The following RASSF4 variants were observed in gnomAD, a reference collection of about 807,000 sequenced individuals.
RASSF4 encodes Ras association domain family member 4, also known as ras association domain-containing protein 4.
Under a neutral mutation model 41.1 loss-of-function variants are expected in RASSF4, and 38 were observed. That is an observed-to-expected ratio of 0.92 (90% CI 0.71 to 1.21). The LOEUF (loss-of-function observed/expected upper bound fraction) is 1.21, where lower values mean the gene tolerates loss of function less well. Ranked by LOEUF, RASSF4 falls within the 50% of genes most tolerant of loss-of-function variation. The pLI is 0.00. For missense variants in RASSF4, 414 were observed against 419.4 expected, an observed-to-expected ratio of 0.99 and a Z score of 0.11; for synonymous variants, 179 against 163.4, an observed-to-expected ratio of 1.10 and a Z score of -0.73.
chr10:44,993,338 C>T lies in RASSF4; in HGVS notation c.*9C>T, dbSNP rs764941651. ...TGGTGGAGGCCAAGTAACTGGCCAA[C>T]ACCTGCCTCTTCCAAAGTCCCCAGC... On this transcript the variant is annotated 3_prime_UTR_variant, in exon 11 of 11. Coordinates refer to ENST00000340258, the MANE Select transcript of RASSF4 (RefSeq NM_032023.4). The T allele has an allele frequency of 1.9e-6, 3 of 1,598,696 alleles. No homozygotes were observed. The highest frequency in any genetic ancestry group is 1.7e-6 in the Non-Finnish European group (2 of 1,176,952).
chr10:44,983,152 A>G, intron 4 of RASSF4: 2 of 361,986 alleles, frequency 5.5e-6, no homozygotes, highest in South Asian at 2.1e-5. Flanking sequence ...CTGCCTTACC[A>G]TTCAATGCAC....
chr10:44,990,355 C>G (rs1053709138), intron 8 of RASSF4, among the ~76,000 whole-genome samples: 16 of 152,248 alleles, frequency 1.1e-4, no homozygotes, highest in African/African-American at 2.9e-4. Context: ...ACACTTGCAT[C>G]ATGCATGCCC....
rs1306582429 is a variant in RASSF4, at chr10:44,984,835, G to C, written c.396G>C (p.Glu132Asp). The change falls in exon 6 of 11, where the codon GAG becomes GAC. Residue 132 changes from glutamate to aspartate, a missense_variant. Glu to Asp is a conservative substitution (Grantham distance 45). Transcript: ENST00000340258. ...CAGGGCCCCTGGAGGAGGCAGAGGA[G>C]GCCCCCCAGCTGATGCGGACCAAGA... Reference protein sequence around the residue: ...DSSGPLEEAEEAPQLMRTKSD... With the variant: ...DSSGPLEEAEDAPQLMRTKSD... 6.2e-7 allele frequency: 1 copy of C among 1,613,672 alleles called. No homozygotes were observed. The highest frequency in any genetic ancestry group is 8.5e-7 in the Non-Finnish European group (1 of 1,179,986).
intron 6 of RASSF4, among the ~76,000 whole-genome samples, chr10:44,986,751 T>G (rs1488668486): frequency 2.0e-5 from 3 of 152,110 alleles, no homozygotes; most frequent in African/African-American, 7.3e-5. Flanking sequence ...ATTGAAAAAA[T>G]AAATAATTCC....
chr10:44,977,557 A>G, intron 3 of RASSF4: 2 of 1,613,492 alleles, frequency 1.2e-6, no homozygotes, highest in Admixed American at 1.7e-5. Flanking sequence ...GGGAATGCCC[A>G]GGCATCCTGG....
At chr10:44,989,582 C>T in intron 7 of RASSF4, 88 bp from the exon 8 acceptor site, 3 of 1,210,502 alleles carry the variant, frequency 2.5e-6, no homozygotes, top group Non-Finnish European at 3.7e-6. Context: ...GTGTGTGTTA[C>T]TGGGGGTGTA....
At chr10:44,982,381 G>T in intron 3 of RASSF4, 140 bp from the exon 4 acceptor site, 1 of 1,032,848 alleles carries the variant, frequency 9.7e-7, no homozygotes, top group Admixed American at 2.0e-5. Context: ...CGTAGTGGCT[G>T]ATGGTCCTTC....
chr10:44,992,916 A>G (rs1842170934), intron 10 of RASSF4, among the ~76,000 whole-genome samples: 1 of 152,156 alleles, frequency 6.6e-6, no homozygotes, highest in Non-Finnish European at 1.5e-5. Context: ...TACAGAGTGG[A>G]CGCTGAGGCC....
chr10:44,981,260 G>C (rs1841696046), intron 3 of RASSF4: 1 of 152,134 alleles, frequency 6.6e-6, no homozygotes, highest in Admixed American at 6.5e-5. Flanking sequence ...CTTATATAAG[G>C]AATCTAAAAT....
intron 2 of RASSF4, 103 bp downstream of exon 2, chr10:44,970,367 A>C: frequency 1.1e-6 from 1 of 933,324 alleles, no homozygotes; most frequent in Non-Finnish European, 1.7e-6. Context: ...TTGTTCAGAG[A>C]TCTGATGGGG....
intron 6 of RASSF4, among the ~76,000 whole-genome samples, chr10:44,987,147 C>A (rs1841948286): frequency 6.6e-6 from 1 of 152,170 alleles, no homozygotes; most frequent in Admixed American, 6.5e-5. Flanking sequence ...ACTCTGTAGC[C>A]AGGCTGGAGT....
chr10:44,980,543 CA>C (rs1841665120), intron 3 of RASSF4, among the ~76,000 whole-genome samples: 1 of 152,164 alleles, frequency 6.6e-6, no homozygotes, highest in Admixed American at 6.5e-5. Context: ...CCAGTACAGC[CA>C]AGCCCCCGAC....
chr10:44,974,495 C>T (rs1841311786), intron 3 of RASSF4, among the ~76,000 whole-genome samples: 1 of 152,226 alleles, frequency 6.6e-6, no homozygotes, highest in African/African-American at 2.4e-5. Context: ...GGTCTCCACC[C>T]AGTATCAGTG....
At chr10:44,977,841 T>A in intron 3 of RASSF4, 1 of 1,606,844 alleles carries the variant, frequency 6.2e-7, no homozygotes, top group Non-Finnish European at 8.5e-7. Flanking sequence ...TGGGGTGGCC[T>A]GGGTTGGCCC....
chr10:44,983,266 G>C (rs975920358), intron 4 of RASSF4: 11 of 260,360 alleles, frequency 4.2e-5, no homozygotes, highest in African/African-American at 2.0e-4. Flanking sequence ...TCAGAGCTTT[G>C]CCCCCTTCAG....
In RASSF4 at chr10:44,995,882, A is replaced by G. The variant is rs2132812753; in HGVS notation, c.*2553A>G. ...TCTCAGGTAATAAACGTATCCGAAGATAAAGCAAAGATTGCTATGGGAGAG... is the reference window on the plus strand; with the variant it reads ...TCTCAGGTAATAAACGTATCCGAAGGTAAAGCAAAGATTGCTATGGGAGAG... On this transcript the variant is annotated 3_prime_UTR_variant, in exon 11 of 11. Coordinates refer to ENST00000340258, the MANE Select transcript of RASSF4 (RefSeq NM_032023.4). 6.6e-6 allele frequency: 1 copy of G among 152,344 alleles called. No individual in the cohort carries two copies. Among genetic ancestry groups the G allele is most frequent in the African/African-American group, 2.4e-5 (1 of 41,578 alleles). The allele number at this position is 152,344 out of a possible 1,614,324, so 9.4% of individuals were successfully genotyped here.
rs757364030 is a variant in RASSF4, at chr10:44,991,903, A to G, written c.808-2A>G. The G allele has an allele frequency of 3.1e-6, 5 of 1,598,674 alleles. No homozygotes were observed. Among genetic ancestry groups the G allele is most frequent in the Non-Finnish European group, 3.4e-6 (4 of 1,168,502 alleles). On this transcript the variant is annotated splice_acceptor_variant, in intron 9 of 10. Coordinates refer to ENST00000340258, the MANE Select transcript of RASSF4 (RefSeq NM_032023.4). LOFTEE classifies it high-confidence loss of function. Reference sequence around the variant, plus strand: ...ACATTAAAATGTTCTTGGATTTTCTAGGTCGCTCAGTACATTAAGTTTGAA... The same window carrying G: ...ACATTAAAATGTTCTTGGATTTTCTGGGTCGCTCAGTACATTAAGTTTGAA...
At chr10:44,980,107 G>C (rs2132788442) in intron 3 of RASSF4, among the ~76,000 whole-genome samples, 1 of 152,294 alleles carries the variant, frequency 6.6e-6, no homozygotes, top group Non-Finnish European at 1.5e-5. Flanking sequence ...GTTAGCCCAA[G>C]CCTGAGCTCT....
intron 2 of RASSF4, 91 bp downstream of exon 2, chr10:44,970,355 A>G: frequency 9.5e-7 from 1 of 1,055,390 alleles, no homozygotes; most frequent in Non-Finnish European, 1.5e-6. Flanking sequence ...GGTTCTGAGC[A>G]CTTGTTCAGA....
Sources: allele counts gnomAD v4.1 joint callset (sites outside exome capture counted in the v4.1 genomes callset), GRCh38; gene constraint gnomAD v4.1.1; transcripts MANE v1.5; gene names NCBI Gene and HGNC (gene_info 2026-07-23, HGNC 2026-07-21).